Variants in LIN9 observed in about 807,000 individuals in gnomAD.
LIN9 encodes lin-9 DREAM MuvB core complex component, also known as protein lin-9 homolog.
LIN9 carries 18 observed loss-of-function variants against 78.0 expected under a neutral mutation model. The ratio of observed to expected loss-of-function variants is 0.23; its 90% CI spans 0.16 to 0.34. The LOEUF (loss-of-function observed/expected upper bound fraction) is 0.34, where lower values mean the gene tolerates loss of function less well. Ranked by LOEUF, LIN9 falls within the 10% of genes least tolerant of loss-of-function variation. The pLI is 1.00. For synonymous variants in LIN9, 192 were observed against 215.2 expected (o/e 0.89, Z 0.94); for missense variants, 451 against 644.1 (o/e 0.70, Z 3.25).
intron 6 of LIN9, among the ~76,000 whole-genome samples, chr1:226,278,994 C>CA (rs1370509026): frequency 2.0e-5 from 3 of 146,364 alleles, no homozygotes; most frequent in African/African-American, 7.5e-5. Flanking sequence ...AACAAACAAA[C>CA]AAAAAAACCA....
intron 5 of LIN9, 44 bp from the exon 6 acceptor site, chr1:226,286,502 T>TA (rs1661387619): frequency 6.9e-7 from 1 of 1,442,408 alleles, no homozygotes; most frequent in Admixed American, 2.3e-5. Flanking sequence ...TACAATGTGT[T>TA]ACTTTCTTAA....
At chr1:226,309,657 C>G, upstream of LIN9, 1 of 1,282,742 alleles carries the variant, frequency 7.8e-7, no homozygotes, top group South Asian at 1.2e-5. Context: ...TTGGGCGCCT[C>G]CGTCCCCTCA....
intron 11 of LIN9, among the ~76,000 whole-genome samples, chr1:226,242,048 A>C (rs1241775085): frequency 6.6e-6 from 1 of 152,230 alleles, no homozygotes; most frequent in African/African-American, 2.4e-5. Context: ...CAATGATGGA[A>C]AATATTTCCC....
chr1:226,237,632 CA>C (rs1167453006), intron 12 of LIN9, among the ~76,000 whole-genome samples: 3,629 of 57,442 alleles, frequency 0.063, 129 homozygotes, highest in African/African-American at 0.2. Flanking sequence ...AACTCTGTCT[CA>C]AAAAAAAAAA....
chr1:226,309,426 G>T, upstream of LIN9: 1 of 998,598 alleles, frequency 1.0e-6, no homozygotes, highest in Non-Finnish European at 1.2e-6. Context: ...GCGCCGGAGC[G>T]CGGGGGGAGC....
intron 4 of LIN9, among the ~76,000 whole-genome samples, chr1:226,295,238 T>C (rs1662065679): frequency 6.6e-6 from 1 of 151,290 alleles, no homozygotes; most frequent in Admixed American, 6.6e-5. Context: ...TCACTTGAGG[T>C]CAGGAGTTCA....
chr1:226,288,807 C>T (rs1458632300), intron 4 of LIN9, among the ~76,000 whole-genome samples: 1 of 152,138 alleles, frequency 6.6e-6, no homozygotes, highest in Non-Finnish European at 1.5e-5. Context: ...TAGGTAGTCT[C>T]AATGTTACCT....
At chr1:226,277,992 CTTT>C (rs879750346) in intron 6 of LIN9, 60 bp from the exon 7 acceptor site, 2 of 1,316,876 alleles carry the variant, frequency 1.5e-6, no homozygotes, top group African/African-American at 1.5e-5. Flanking sequence ...AACTTAAAAT[CTTT>C]TTTTTTTCTT....
intron 6 of LIN9, among the ~76,000 whole-genome samples, chr1:226,278,556 G>A (rs527982828): frequency 6.6e-6 from 1 of 152,322 alleles, no homozygotes; most frequent in South Asian, 2.1e-4. Flanking sequence ...GGGCGTGGTG[G>A]CTCATGCCTG....
At chr1:226,309,204 T>G, upstream of LIN9, 1 of 1,459,142 alleles carries the variant, frequency 6.9e-7, no homozygotes, top group Admixed American at 2.1e-5. Context: ...GCGGAGACTG[T>G]CTTTGCGAGG....
chr1:226,280,446 AG>A (rs1660975809), intron 6 of LIN9, among the ~76,000 whole-genome samples: 1 of 152,162 alleles, frequency 6.6e-6, no homozygotes, highest in Admixed American at 6.5e-5. Flanking sequence ...GATAAAGCAA[AG>A]GATAATGAGT....
chr1:226,277,216 G>GAAAAAAAAAAAAAAAAAAA (rs71168975), intron 7 of LIN9, among the ~76,000 whole-genome samples: 2 of 91,452 alleles, frequency 2.2e-5, no homozygotes, highest in Non-Finnish European at 2.2e-5. Flanking sequence ...GTCTCAAAAA[G>GAAAAAAAAAAAAAAAAAAA]AAAAAAAAAA....
At chr1:226,238,588 A>G (rs61709910) in intron 12 of LIN9, among the ~76,000 whole-genome samples, 1 of 152,030 alleles carries the variant, frequency 6.6e-6, no homozygotes, top group Admixed American at 6.6e-5. Flanking sequence ...AGATTGCATC[A>G]CTGTACTCCA....
intron 5 of LIN9, 101 bp downstream of exon 5, chr1:226,287,563 A>C: frequency 4.2e-6 from 3 of 711,190 alleles, no homozygotes; most frequent in Non-Finnish European, 6.6e-6. Flanking sequence ...AGAGAAAAAT[A>C]AGATCAAAGT....
chr1:226,240,730 G>A (rs1658059749), intron 11 of LIN9, among the ~76,000 whole-genome samples: 1 of 151,930 alleles, frequency 6.6e-6, no homozygotes, highest in Admixed American at 6.6e-5. Flanking sequence ...TGTTGCCCAG[G>A]CAGGACTGCA....
At chr1:226,307,940 CACAA>C (rs1340561791) in intron 1 of LIN9, among the ~76,000 whole-genome samples, 3 of 152,178 alleles carry the variant, frequency 2.0e-5, no homozygotes, top group African/African-American at 7.2e-5. Context: ...AAATTTAAAA[CACAA>C]ACACTTTTAA....
chr1:226,252,720 C>T (rs898996337), intron 10 of LIN9, among the ~76,000 whole-genome samples: 2 of 152,184 alleles, frequency 1.3e-5, no homozygotes, highest in African/African-American at 4.8e-5. Flanking sequence ...CGCCTATAAT[C>T]CCAGCACTTT....
intron 11 of LIN9, among the ~76,000 whole-genome samples, chr1:226,244,223 G>C (rs567320156): frequency 1.4e-5 from 2 of 144,830 alleles, no homozygotes; most frequent in East Asian, 4.9e-4. Flanking sequence ...TTGAGGCCAG[G>C]AGTTAAAGAC....
At chr1:226,254,031 A>C (rs1576296248) in intron 10 of LIN9, among the ~76,000 whole-genome samples, 2 of 152,366 alleles carry the variant, frequency 1.3e-5, no homozygotes, top group East Asian at 3.9e-4. Flanking sequence ...TCCTGGGCTC[A>C]AGTGATCTTC....
Sources: gnomAD v4.1 joint callset for allele counts (sites outside exome capture counted in the v4.1 genomes callset) on GRCh38, gnomAD v4.1.1 for gene constraint, MANE v1.5 for transcripts, NCBI Gene and HGNC (gene_info 2026-07-23, HGNC 2026-07-21) for gene names.